Variants in SOX5 observed in about 807,000 individuals in gnomAD.
SOX5 encodes the protein transcription factor SOX-5.
Under a neutral mutation model 92.0 loss-of-function variants are expected in SOX5, and 9 were observed. The observed-to-expected ratio is 0.10, with a 90% CI of 0.06 to 0.17. SOX5 has a LOEUF of 0.17. Ranked by LOEUF, SOX5 falls within the 10% of genes least tolerant of loss-of-function variation. The pLI, the probability that SOX5 is intolerant of heterozygous loss-of-function variation, is 1.00. For synonymous variants in SOX5, 344 were observed against 336.3 expected (o/e 1.02, Z -0.25); for missense variants, 642 against 944.5 (o/e 0.68, Z 4.20).
intron 5 of SOX5, among the ~76,000 whole-genome samples, chr12:23,736,415 T>A (rs528681494): frequency 2.1e-4 from 32 of 151,846 alleles, no homozygotes; most frequent in Admixed American, 5.2e-4. Flanking sequence ...TGAGCCAAGA[T>A]CGCTCCACTG....
At chr12:24,233,357 A>G (rs2728840) in intron 3 of SOX5, among the ~76,000 whole-genome samples, 23,916 of 152,134 alleles carry the variant, frequency 0.16, 2,034 homozygotes, top group Admixed American at 0.22. Flanking sequence ...GATTATGAAG[A>G]CGAAACAAAT....
chr12:23,701,136 C>T (rs1451620160), intron 6 of SOX5, among the ~76,000 whole-genome samples: 4 of 151,854 alleles, frequency 2.6e-5, no homozygotes, highest in African/African-American at 4.8e-5. Context: ...TGGCTTATTT[C>T]GACTTCTTAG....
At chr12:24,194,918 C>CT (rs544527076) in intron 4 of SOX5, among the ~76,000 whole-genome samples, 53 of 152,110 alleles carry the variant, frequency 3.5e-4, no homozygotes, top group African/African-American at 1.3e-3. Flanking sequence ...TTGGAAATCC[C>CT]TTTTTTCAAT....
chr12:23,842,333 T>C (rs902337507), intron 3 of SOX5, among the ~76,000 whole-genome samples: 1 of 152,082 alleles, frequency 6.6e-6, no homozygotes, highest in Non-Finnish European at 1.5e-5. Context: ...GAAGCTGCAA[T>C]AATCCATGCA....
intron 4 of SOX5, among the ~76,000 whole-genome samples, chr12:24,030,021 C>T (rs1026510256): frequency 2.0e-4 from 31 of 152,000 alleles, no homozygotes; most frequent in African/African-American, 6.5e-4. Flanking sequence ...GTTGTTTTCA[C>T]CTTCGTTTTA....
intron 8 of SOX5, among the ~76,000 whole-genome samples, chr12:23,622,392 T>A (rs58452309): frequency 7.0e-4 from 107 of 152,254 alleles, no homozygotes; most frequent in African/African-American, 1.8e-3. Flanking sequence ...TTAGCTTTTT[T>A]AAAAAAATCT....
intron 1 of SOX5, among the ~76,000 whole-genome samples, chr12:24,376,304 GTTTA>G (rs1214234083): frequency 3.3e-5 from 5 of 152,308 alleles, no homozygotes; most frequent in African/African-American, 1.2e-4. Flanking sequence ...TATTCTCTGG[GTTTA>G]CCAGTTAGCT....
At chr12:24,206,383 T>C (rs1299619692) in intron 4 of SOX5, among the ~76,000 whole-genome samples, 1 of 152,170 alleles carries the variant, frequency 6.6e-6, no homozygotes, top group African/African-American at 2.4e-5. Flanking sequence ...GTGATGGCAG[T>C]TTGACTCCTA....
chr12:23,886,520 C>A (rs1034289432), intron 2 of SOX5, among the ~76,000 whole-genome samples: 21 of 151,810 alleles, frequency 1.4e-4, no homozygotes, highest in Non-Finnish European at 4.4e-5. Context: ...CAGGCACCAA[C>A]ATACTGCAAG....
intron 4 of SOX5, among the ~76,000 whole-genome samples, chr12:24,015,653 C>T (rs897093963): frequency 6.6e-6 from 1 of 152,078 alleles, no homozygotes; most frequent in Non-Finnish European, 1.5e-5. Context: ...GCCAGTGGGG[C>T]TGATAAAGTA....
chr12:23,746,839 G>A (rs1024047603), intron 4 of SOX5, among the ~76,000 whole-genome samples: 4 of 152,034 alleles, frequency 2.6e-5, no homozygotes, highest in African/African-American at 4.8e-5. Context: ...GGTGGGAGCC[G>A]GTGGGAGGTA....
intron 1 of SOX5, among the ~76,000 whole-genome samples, chr12:24,475,029 T>G (rs1377561735): frequency 6.6e-6 from 1 of 152,054 alleles, no homozygotes; most frequent in East Asian, 1.9e-4. Flanking sequence ...TTTTGTATTT[T>G]TACTAGAGAT....
intron 12 of SOX5, among the ~76,000 whole-genome samples, chr12:23,544,703 A>G (rs966971090): frequency 1.3e-5 from 2 of 152,244 alleles, no homozygotes; most frequent in South Asian, 2.1e-4. Context: ...AATGACAGCA[A>G]CAAAAACTTT....
intron 4 of SOX5, among the ~76,000 whole-genome samples, chr12:24,148,263 G>A (rs1050406540): frequency 2.0e-5 from 3 of 152,070 alleles, no homozygotes; most frequent in Admixed American, 6.6e-5. Flanking sequence ...TTGGGAGGTC[G>A]AGGTGGGCAG....
intron 2 of SOX5, among the ~76,000 whole-genome samples, chr12:24,296,724 C>G (rs1489716760): frequency 1.3e-5 from 2 of 151,190 alleles, no homozygotes; most frequent in African/African-American, 4.9e-5. Context: ...TCCTACGCAG[C>G]CAATATGTTC....
At chr12:24,251,110 A>G (rs1170356683) in intron 3 of SOX5, among the ~76,000 whole-genome samples, 1 of 152,258 alleles carries the variant, frequency 6.6e-6, no homozygotes, top group Admixed American at 6.5e-5. Flanking sequence ...TGAGTGAGAC[A>G]GCTGAGACTA....
chr12:23,620,555 T>C (rs1301411332), intron 8 of SOX5, among the ~76,000 whole-genome samples: 1 of 152,056 alleles, frequency 6.6e-6, no homozygotes, highest in Non-Finnish European at 1.5e-5. Context: ...TAAAACTCTA[T>C]GCTTTGAGTA....
intron 2 of SOX5, among the ~76,000 whole-genome samples, chr12:24,312,788 T>A (rs183973659): frequency 6.6e-6 from 1 of 152,316 alleles, no homozygotes; most frequent in Non-Finnish European, 1.5e-5. Context: ...TCCAAACTCA[T>A]GAAGCAACTC....
At chr12:24,071,815 C>T (rs944290677) in intron 4 of SOX5, among the ~76,000 whole-genome samples, 5 of 152,062 alleles carry the variant, frequency 3.3e-5, no homozygotes, top group Non-Finnish European at 5.9e-5. Context: ...TAAAGAATGA[C>T]GAAAAATGCT....
Sources: gnomAD v4.1 joint callset for allele counts (sites outside exome capture counted in the v4.1 genomes callset) on GRCh38, gnomAD v4.1.1 for gene constraint, MANE v1.5 for transcripts, NCBI Gene and HGNC (gene_info 2026-07-23, HGNC 2026-07-21) for gene names.